The following LRRTM4 variants were observed in gnomAD, a reference collection of about 807,000 sequenced individuals.
LRRTM4 encodes leucine-rich repeat transmembrane neuronal protein 4.
In LRRTM4, 25 loss-of-function variants were observed where a neutral mutation model predicts 47.6. The observed-to-expected ratio is 0.53, with a 90% CI of 0.38 to 0.73. The LOEUF (loss-of-function observed/expected upper bound fraction) is 0.73. Ranked by LOEUF, LRRTM4 falls within the 30% of genes least tolerant of loss-of-function variation. The pLI is 0.00. For synonymous variants in LRRTM4, 311 were observed against 269.5 expected (o/e 1.15, Z -1.51); for missense variants, 638 against 713.4 (o/e 0.89, Z 1.20).
At chr2:77,328,354 T>C (rs1005910634) in intron 3 of LRRTM4, among the ~76,000 whole-genome samples, 1 of 152,196 alleles carries the variant, frequency 6.6e-6, no homozygotes. Context: ...ATGTGATTGC[T>C]GACAGAGAGT....
At chr2:76,934,567 T>C (rs570760570) in intron 3 of LRRTM4, among the ~76,000 whole-genome samples, 103 of 152,274 alleles carry the variant, frequency 6.8e-4, no homozygotes, top group African/African-American at 2.4e-3. Flanking sequence ...AAAGCCCTGA[T>C]CTATAGCAGT....
intron 3 of LRRTM4, among the ~76,000 whole-genome samples, chr2:76,810,664 T>A (rs1670705657): frequency 6.6e-6 from 1 of 152,104 alleles, no homozygotes; most frequent in African/African-American, 2.4e-5. Context: ...AAGTCTATGG[T>A]TTTTAACCTG....
chr2:77,039,775 C>T (rs72924983), intron 3 of LRRTM4, among the ~76,000 whole-genome samples: 12,941 of 150,658 alleles, frequency 0.086, 1,739 homozygotes, highest in African/African-American at 0.29. Flanking sequence ...AAATTTTTGT[C>T]TTTTTCTTTA....
At chr2:76,787,999 A>C (rs1027215755) in intron 3 of LRRTM4, among the ~76,000 whole-genome samples, 1 of 152,138 alleles carries the variant, frequency 6.6e-6, no homozygotes, top group African/African-American at 2.4e-5. Context: ...TTATTTAACA[A>C]AGTTAATATA....
chr2:77,226,294 G>T (rs1573106279), intron 3 of LRRTM4, among the ~76,000 whole-genome samples: 1 of 151,644 alleles, frequency 6.6e-6, no homozygotes, highest in Non-Finnish European at 1.5e-5. Flanking sequence ...ATGAGCACAG[G>T]TACGGTCAGA....
chr2:76,987,667 A>G (rs1446093811), intron 3 of LRRTM4, among the ~76,000 whole-genome samples: 1 of 151,960 alleles, frequency 6.6e-6, no homozygotes, highest in Admixed American at 6.6e-5. Flanking sequence ...AATGTATTTT[A>G]GAGTTTTAAG....
At chr2:76,828,325 T>C (rs1376819753) in intron 3 of LRRTM4, among the ~76,000 whole-genome samples, 3 of 151,874 alleles carry the variant, frequency 2.0e-5, no homozygotes, top group African/African-American at 7.2e-5. Flanking sequence ...TTGCATCTTA[T>C]TTGGGCCGGA....
chr2:77,248,950 T>C (rs559271199), intron 3 of LRRTM4, among the ~76,000 whole-genome samples: 165 of 151,800 alleles, frequency 1.1e-3, no homozygotes, highest in Admixed American at 2.4e-3. Context: ...CTTAGAAAAA[T>C]AACATAGAAG....
At chr2:77,043,343 TAGG>T (rs1679101479) in intron 3 of LRRTM4, among the ~76,000 whole-genome samples, 1 of 151,740 alleles carries the variant, frequency 6.6e-6, no homozygotes, top group Non-Finnish European at 1.5e-5. Context: ...GTGTTGTCCA[TAGG>T]AGAATAGAAA....
In LRRTM4 at chr2:76,754,663, T is replaced by G. The variant is rs148493120; in HGVS notation, c.1552-5747A>C. Among the ~76,000 whole-genome samples the G allele has an allele frequency of 2.9e-3, 445 of 152,312 alleles. 3 individuals carry two copies. Among genetic ancestry groups the G allele is most frequent in the African/African-American group, 0.01 (428 of 41,570 alleles). ...GTAGATTACATTATGGCTACAGTTA[T>G]TTCTAGCACCCCTCACCAATAGGTG... On this transcript the variant is annotated intron_variant, in intron 3 of 3. Coordinates refer to ENST00000409884, the MANE Select transcript of LRRTM4 (RefSeq NM_001134745.3).
intron 3 of LRRTM4, among the ~76,000 whole-genome samples, chr2:77,310,475 C>A (rs1466193053): frequency 2.0e-5 from 3 of 152,222 alleles, no homozygotes; most frequent in African/African-American, 7.2e-5. Flanking sequence ...CTAGAGCTTG[C>A]CAGCCTCACG....
intron 3 of LRRTM4, among the ~76,000 whole-genome samples, chr2:77,013,052 G>A (rs1394190180): frequency 6.6e-6 from 1 of 152,182 alleles, no homozygotes; most frequent in Non-Finnish European, 1.5e-5. Context: ...ATAATAGCAT[G>A]AATGAATGGA....
chr2:77,148,107 G>C (rs897151918), intron 3 of LRRTM4, among the ~76,000 whole-genome samples: 1 of 152,040 alleles, frequency 6.6e-6, no homozygotes, highest in Non-Finnish European at 1.5e-5. Flanking sequence ...AACATGCTTT[G>C]GCACCCAACT....
chr2:77,053,463 TAGAA>T (rs1210524246), intron 3 of LRRTM4, among the ~76,000 whole-genome samples: 2 of 152,154 alleles, frequency 1.3e-5, no homozygotes, highest in African/African-American at 2.4e-5. Context: ...AAATGGATAA[TAGAA>T]AGACAATTGT....
intron 3 of LRRTM4, among the ~76,000 whole-genome samples, chr2:76,859,870 A>G (rs1163648441): frequency 6.6e-6 from 1 of 152,190 alleles, no homozygotes; most frequent in Non-Finnish European, 1.5e-5. Flanking sequence ...ATCTTTGAAT[A>G]TAAATAAATA....
chr2:77,377,691 C>T (rs1452514659), intron 3 of LRRTM4, among the ~76,000 whole-genome samples: 6 of 151,986 alleles, frequency 3.9e-5, no homozygotes, highest in African/African-American at 4.8e-5. Context: ...TACAGAGGTA[C>T]TGAATATTAT....
chr2:76,904,352 T>C (rs376583220), intron 3 of LRRTM4, among the ~76,000 whole-genome samples: 3 of 152,212 alleles, frequency 2.0e-5, no homozygotes, highest in African/African-American at 7.2e-5. Context: ...GAGATTGTTA[T>C]TCGAGGAAGA....
intron 3 of LRRTM4, chr2:77,517,992 C>T: frequency 9.5e-7 from 1 of 1,047,786 alleles, no homozygotes; most frequent in Non-Finnish European, 1.1e-6. Context: ...ACAGAAATTT[C>T]AGAATGAAAA....
chr2:77,081,680 T>C (rs990204140), intron 3 of LRRTM4, among the ~76,000 whole-genome samples: 1 of 152,184 alleles, frequency 6.6e-6, no homozygotes, highest in African/African-American at 2.4e-5. Context: ...CTTATTTCAT[T>C]AGCAGTTTAT....
Sources: gnomAD v4.1 joint callset for allele counts (sites outside exome capture counted in the v4.1 genomes callset) on GRCh38, gnomAD v4.1.1 for gene constraint, MANE v1.5 for transcripts, NCBI Gene and HGNC (gene_info 2026-07-23, HGNC 2026-07-21) for gene names.